Variants in DCDC1 observed in about 807,000 individuals in gnomAD.
DCDC1 encodes the protein doublecortin domain-containing protein 1.
In DCDC1, 200 loss-of-function variants were observed where a neutral mutation model predicts 178.3. The observed-to-expected ratio is 1.12, with a 90% CI of 1.00 to 1.26. The LOEUF (loss-of-function observed/expected upper bound fraction) is 1.26, where lower values mean the gene tolerates loss of function less well. Among genes scored for constraint, DCDC1 ranks in the 50% most tolerant of loss-of-function variants. The pLI, the probability that DCDC1 is intolerant of heterozygous loss-of-function variation, is 0.00. For synonymous variants in DCDC1, 690 were observed against 604.8 expected (o/e 1.14, Z -2.07); for missense variants, 1,983 against 1,749.2 (o/e 1.13, Z -2.38).
At chr11:30,971,277 C>T (rs1949761940) in intron 20 of DCDC1, among the ~76,000 whole-genome samples, 1 of 151,976 alleles carries the variant, frequency 6.6e-6, no homozygotes. Flanking sequence ...GATCACATCT[C>T]CAAAAGAACA....
intron 17 of DCDC1, among the ~76,000 whole-genome samples, chr11:31,082,063 T>A (rs1957208420): frequency 6.6e-6 from 1 of 152,100 alleles, no homozygotes; most frequent in Non-Finnish European, 1.5e-5. Flanking sequence ...TCTCCTCTTC[T>A]TGATCAAAAA....
At chr11:31,309,591 C>T (rs1948650704) in intron 3 of DCDC1, among the ~76,000 whole-genome samples, 1 of 152,050 alleles carries the variant, frequency 6.6e-6, no homozygotes, top group Non-Finnish European at 1.5e-5. Context: ...ATAAACAGTT[C>T]CAAGTTTCCA....
At chr11:30,893,127 T>C (rs1334222329) in intron 35 of DCDC1, 130 bp from the exon 36 acceptor site, 1 of 949,100 alleles carries the variant, frequency 1.1e-6, no homozygotes, top group Non-Finnish European at 1.5e-6. Flanking sequence ...GAAGTAACTA[T>C]TAAGTACATT....
At chr11:30,940,129 A>G (rs1163408162) in intron 21 of DCDC1, among the ~76,000 whole-genome samples, 1 of 152,148 alleles carries the variant, frequency 6.6e-6, no homozygotes, top group Non-Finnish European at 1.5e-5. Context: ...AACTGGCCCA[A>G]TTATCCCATA....
chr11:31,078,499 GAATTA>G (rs1464512931), intron 17 of DCDC1, among the ~76,000 whole-genome samples: 8 of 152,104 alleles, frequency 5.3e-5, no homozygotes, highest in East Asian at 1.9e-4. Context: ...GAACAAAAAT[GAATTA>G]AATTAAGTGT....
intron 20 of DCDC1, among the ~76,000 whole-genome samples, chr11:31,055,926 C>A (rs1169469341): frequency 6.6e-6 from 1 of 152,020 alleles, no homozygotes; most frequent in Non-Finnish European, 1.5e-5. Context: ...ATGGGTGCAC[C>A]AAAATCTCAC....
intron 9 of DCDC1, among the ~76,000 whole-genome samples, chr11:31,238,281 C>T (rs948090046): frequency 6.6e-6 from 1 of 152,006 alleles, no homozygotes; most frequent in Admixed American, 6.6e-5. Context: ...GCTCCATGCA[C>T]GTTTATGCAT....
intron 8 of DCDC1, among the ~76,000 whole-genome samples, chr11:31,247,631 A>G (rs1943663085): frequency 6.6e-6 from 1 of 151,942 alleles, no homozygotes; most frequent in Non-Finnish European, 1.5e-5. Context: ...TGCAGGGGAC[A>G]TTTGGTAGTT....
intron 27 of DCDC1, among the ~76,000 whole-genome samples, chr11:30,912,564 T>A (rs2134184238): frequency 6.6e-6 from 1 of 152,302 alleles, no homozygotes; most frequent in South Asian, 2.1e-4. Flanking sequence ...ATTACAGGCA[T>A]GAGCCACCAT....
chr11:31,297,262 A>G (rs902978392), intron 6 of DCDC1, among the ~76,000 whole-genome samples: 7 of 152,110 alleles, frequency 4.6e-5, no homozygotes, highest in Admixed American at 3.3e-4. Flanking sequence ...TAGTGAGGGG[A>G]CTGTAGGGTA....
chr11:31,358,345 C>A, intron 1 of DCDC1, among the ~76,000 whole-genome samples: 1 of 152,072 alleles, frequency 6.6e-6, no homozygotes, highest in Non-Finnish European at 1.5e-5. Context: ...GGAAAGGATT[C>A]CCTATTTAAT....
At chr11:30,902,055 CAT>C (rs1944717040) in intron 32 of DCDC1, among the ~76,000 whole-genome samples, 1 of 151,926 alleles carries the variant, frequency 6.6e-6, no homozygotes, top group Admixed American at 6.6e-5. Context: ...TATATATACA[CAT>C]ATATATGTGT....
chr11:31,225,266 A>G (rs898194351), intron 9 of DCDC1, among the ~76,000 whole-genome samples: 1 of 151,958 alleles, frequency 6.6e-6, no homozygotes, highest in African/African-American at 2.4e-5. Flanking sequence ...AGGAACATAC[A>G]ATATCCAGAA....
At chr11:31,231,707 A>AC (rs5790853) in intron 9 of DCDC1, among the ~76,000 whole-genome samples, 4 of 77,646 alleles carry the variant, frequency 5.2e-5, no homozygotes, top group Non-Finnish European at 7.3e-5. Flanking sequence ...GAGGGAACAC[A>AC]AAAAAAAATG....
chr11:30,914,143 A>T (rs1309536697), intron 27 of DCDC1, among the ~76,000 whole-genome samples: 1 of 152,254 alleles, frequency 6.6e-6, no homozygotes, highest in Non-Finnish European at 1.5e-5. Flanking sequence ...CCATTCACAG[A>T]AACAAAAGCC....
intron 1 of DCDC1, among the ~76,000 whole-genome samples, chr11:31,354,609 G>C (rs888605112): frequency 6.6e-6 from 1 of 152,202 alleles, no homozygotes; most frequent in African/African-American, 2.4e-5. Flanking sequence ...TTCTATGATA[G>C]AATGACAGGT....
intron 9 of DCDC1, among the ~76,000 whole-genome samples, chr11:31,225,515 TTAAAA>T (rs1047856735): frequency 6.6e-6 from 1 of 151,226 alleles, no homozygotes; most frequent in Non-Finnish European, 1.5e-5. Flanking sequence ...CAAAAAACTA[TTAAAA>T]TAAAATAAAA....
chr11:31,290,923 T>C, intron 6 of DCDC1, 71 bp from the exon 7 acceptor site: 1 of 1,357,182 alleles, frequency 7.4e-7, no homozygotes, highest in Non-Finnish European at 1.0e-6. Flanking sequence ...CATACTTCCC[T>C]CCCTCTATTA....
chr11:30,881,150 A>T lies in DCDC1; in HGVS notation c.5233+8T>A, dbSNP rs1942624439. 2 of 1,612,860 alleles carry T rather than the reference A, an allele frequency of 1.2e-6. No individual in the cohort carries two copies. The highest frequency in any genetic ancestry group is 1.1e-5 in the South Asian group (1 of 90,984). ...AAGACTTGATGGAAAAGAAACTATC[A>T]TGCATACCTTTTGGGGTTTTGAAAC... On this transcript the variant is annotated splice_region_variant and intron_variant, in intron 37 of 38. Transcript: ENST00000684477.
Sources: gnomAD v4.1 joint callset for allele counts (sites outside exome capture counted in the v4.1 genomes callset) on GRCh38, gnomAD v4.1.1 for gene constraint, MANE v1.5 for transcripts, NCBI Gene and HGNC (gene_info 2026-07-23, HGNC 2026-07-21) for gene names.